TFEB: variants seen among roughly 807,000 people sequenced by gnomAD.
TFEB encodes transcription factor EB, also known as T-cell transcription factor EB.
A neutral mutation model predicts 48.0 loss-of-function variants in TFEB; 12 were observed. The ratio of observed to expected loss-of-function variants is 0.25; its 90% CI spans 0.16 to 0.40. The LOEUF is 0.40. Among genes scored for constraint, TFEB ranks in the 10% least tolerant of loss-of-function variants. The pLI is 1.00. For missense variants in TFEB, 509 were observed against 640.3 expected (o/e 0.79, Z 2.21); for synonymous variants, 244 against 261.4 (o/e 0.93, Z 0.64).
Position 41,734,619 on chromosome 6 carries a change from A to T in TFEB, c.-23+731T>A, listed in dbSNP as rs34313611. 0.085 allele frequency among the ~76,000 whole-genome samples: 11,448 copies of T among 134,210 alleles called. 449 individuals are homozygous for T. Among genetic ancestry groups the T allele is most frequent in the South Asian group, 0.13 (504 of 3,974 alleles). 88.0% of individuals were successfully genotyped at this position (134,210 alleles called of 152,430 possible). ...GGCAGGCAGCTGGGAACCCGGGGGG[A>T]GGCAGACAACGGGGCGCACGGAGGG... On this transcript the variant is annotated intron_variant, in intron 1 of 8. Coordinates refer to ENST00000373033, the MANE Select transcript of TFEB (RefSeq NM_001271944.2). The surrounding 1 kb of genome is among the most constrained non-coding windows in gnomAD (Gnocchi z 4.0).
Position 41,684,346 on chromosome 6 carries a change from G to A in TFEB, c.*253C>T, listed in dbSNP as rs1768872810. On this transcript the variant is annotated 3_prime_UTR_variant, in exon 9 of 9. Coordinates refer to ENST00000373033, the MANE Select transcript of TFEB (RefSeq NM_001271944.2). ...AACACCCTGCCCCTCCCTGCCCCGC[G>A]ATTCCATCTCCGGGAGAGGGGCTGA... 5.2e-6 allele frequency: 2 copies of A among 382,204 alleles called. No homozygotes were observed. The highest frequency in any genetic ancestry group is 9.2e-6 in the Non-Finnish European group (2 of 216,796). 23.7% of individuals were successfully genotyped at this position (382,204 alleles called of 1,614,324 possible).
intron 1 of TFEB, among the ~76,000 whole-genome samples, chr6:41,716,631 C>T (rs996763034): frequency 6.6e-6 from 1 of 152,208 alleles, no homozygotes; most frequent in Non-Finnish European, 1.5e-5. Context: ...CTGCCAGAGG[C>T]TCCAGTCCCC....
intron 1 of TFEB, among the ~76,000 whole-genome samples, chr6:41,711,953 C>T (rs62396733): frequency 0.1 from 15,433 of 152,246 alleles, 1,074 homozygotes; most frequent in Admixed American, 0.18. Flanking sequence ...AGAATAGAAC[C>T]ATCATGAGGC....
chr6:41,735,782 C>A (rs1454181438), upstream of TFEB, among the ~76,000 whole-genome samples: 1 of 152,154 alleles, frequency 6.6e-6, no homozygotes, highest in Non-Finnish European at 1.5e-5. Context: ...TGACTTGGAA[C>A]CTCTGATCCA....
intron 1 of TFEB, among the ~76,000 whole-genome samples, chr6:41,695,240 C>G (rs552799553): frequency 2.2e-4 from 33 of 152,322 alleles, no homozygotes; most frequent in African/African-American, 7.7e-4. Flanking sequence ...GCTTCATAAC[C>G]AGGGATCCCG....
At chr6:41,689,640 C>G in intron 4 of TFEB, 91 bp downstream of exon 4, 1 of 981,550 alleles carries the variant, frequency 1.0e-6, no homozygotes, top group Non-Finnish European at 1.6e-6. Context: ...CCAGTGAGAA[C>G]CCTGTCTCCA....
intron 4 of TFEB, 42 bp downstream of exon 4, chr6:41,689,689 C>G: frequency 6.5e-7 from 1 of 1,543,336 alleles, no homozygotes; most frequent in Non-Finnish European, 9.0e-7. Context: ...TGCCCCCCTC[C>G]CTAGAACCCT....
At chr6:41,735,286 C>T (rs2127284312) in intron 1 of TFEB, 64 bp downstream of exon 1, 1 of 983,102 alleles carries the variant, frequency 1.0e-6, no homozygotes, top group Middle Eastern at 5.2e-4. Flanking sequence ...GGGATAGGGG[C>T]CAGGGAGCCT....
upstream of TFEB, chr6:41,736,034 G>A: frequency 7.2e-7 from 1 of 1,391,762 alleles, no homozygotes. Context: ...TTTTATCCCT[G>A]CCCCGATCAT....
In TFEB at chr6:41,720,664, A is replaced by T. The variant is rs9471636; in HGVS notation, c.-23+14686T>A. The T allele has an allele frequency of 0.1, 15,680 of 152,110 alleles. 1,051 individuals carry two copies. The highest frequency in any genetic ancestry group is 0.17 in the African/African-American group (7,187 of 41,446). The allele number at this position is 152,110 out of a possible 1,614,324, so 9.4% of individuals were successfully genotyped here. ...TCTTCTGGCTTCTGGATAGGGCTCA[A>T]GCTGAGAGCCAGGTTGCAGGCCAGG... On this transcript the variant is annotated intron_variant, in intron 1 of 8. Transcript: ENST00000373033. This position sits in a 1 kb window ranked among gnomAD's most constrained non-coding sequence, Gnocchi z 4.1.
chr6:41,709,873 C>T (rs1770406210), intron 1 of TFEB, among the ~76,000 whole-genome samples: 2 of 152,124 alleles, frequency 1.3e-5, no homozygotes, highest in Admixed American at 6.5e-5. Context: ...TGCAGCTTCA[C>T]CCTTCCAGGC....
At chr6:41,726,248 T>C (rs188193536) in intron 1 of TFEB, among the ~76,000 whole-genome samples, 4 of 152,234 alleles carry the variant, frequency 2.6e-5, no homozygotes, top group Admixed American at 6.5e-5. Context: ...TCCATCTGTA[T>C]TAAATTCAGA....
chr6:41,727,106 T>G (rs915354287), intron 1 of TFEB, among the ~76,000 whole-genome samples: 1 of 152,102 alleles, frequency 6.6e-6, no homozygotes, highest in Non-Finnish European at 1.5e-5. Context: ...TTCCTGGCCA[T>G]GGGTAGGGGG....
rs1335158719 is a variant in TFEB at position 41,734,907 on chromosome 6, C to A, written c.-23+443G>T. ...CCCGCACACCTCCCCTACCTCCGAC[C>A]CCCTCTCAGGCATCGCCGGCCCCAG... On this transcript the variant is annotated intron_variant, in intron 1 of 8. Coordinates refer to ENST00000373033, the MANE Select transcript of TFEB (RefSeq NM_001271944.2). The surrounding 1 kb of genome is among the most constrained non-coding windows in gnomAD (Gnocchi z 4.0). 4 of 985,356 alleles carry A rather than the reference C, an allele frequency of 4.1e-6. No homozygotes were observed. The highest frequency in any genetic ancestry group is 4.8e-6 in the Non-Finnish European group (4 of 830,000). 61.0% of individuals were successfully genotyped at this position (985,356 alleles called of 1,614,324 possible). A position where few individuals can be genotyped will look rare whatever the true frequency, so the allele number is the denominator to read the frequency against.
intron 4 of TFEB, 87 bp downstream of exon 4, chr6:41,689,644 G>T: frequency 2.9e-6 from 3 of 1,025,194 alleles, no homozygotes; most frequent in Non-Finnish European, 4.6e-6. Context: ...TGAGAACCCT[G>T]TCTCCACTCT....
chr6:41,689,019 G>T (rs1769158423), intron 4 of TFEB, among the ~76,000 whole-genome samples: 1 of 152,232 alleles, frequency 6.6e-6, no homozygotes, highest in African/African-American at 2.4e-5. Context: ...CCTTTGTAGA[G>T]AGCTTGCCCT....
In TFEB at chr6:41,703,231, G is replaced by A. The variant is rs568582750; in HGVS notation, c.-22-11996C>T. Reference sequence around the variant, plus strand: ...AAGTGTGAGAAGAGGCAGGCACAACGACCACAGCTGGGCACACAGCGGGCA... The same window carrying A: ...AAGTGTGAGAAGAGGCAGGCACAACAACCACAGCTGGGCACACAGCGGGCA... On this transcript the variant is annotated intron_variant, in intron 1 of 8. Coordinates refer to ENST00000373033, the MANE Select transcript of TFEB (RefSeq NM_001271944.2). 3.3e-5 allele frequency among the ~76,000 whole-genome samples: 5 copies of A among 152,350 alleles called. No homozygotes were observed. In the South Asian group the frequency reaches 1.0e-3, roughly 32 times the overall value.
Position 41,687,802 on chromosome 6 carries a change from C to A in TFEB, c.678G>T (p.Glu226Asp). 6.2e-7 allele frequency: 1 copy of A among 1,613,790 alleles called. No homozygotes were observed. The highest frequency in any genetic ancestry group is 8.5e-7 in the Non-Finnish European group (1 of 1,179,836). ...LTQKRELTDA[E>D]SRALAKERQK... ...GCCGCTCCTTGGCCAGGGCCCTGCT[C>A]TCAGCATCTGGAGGCCAAAAGAGAA... The change falls in exon 6 of 9, where the codon GAG becomes GAT. Residue 226 changes from glutamate to aspartate, a missense_variant. Physicochemically the swap from Glu to Asp is conservative, Grantham distance 45. Transcript: ENST00000373033.
intron 1 of TFEB, among the ~76,000 whole-genome samples, chr6:41,699,804 T>A (rs1769799020): frequency 6.6e-6 from 1 of 152,210 alleles, no homozygotes; most frequent in Non-Finnish European, 1.5e-5. Flanking sequence ...AGAAATGAGG[T>A]CAATGGGACA....
Sources: gnomAD v4.1 joint callset for allele counts (sites outside exome capture counted in the v4.1 genomes callset) on GRCh38, gnomAD v4.1.1 for gene constraint, Gnocchi (gnomAD v3.1) non-coding constraint, MANE v1.5 for transcripts, NCBI Gene and HGNC (gene_info 2026-07-23, HGNC 2026-07-21) for gene names.